TGFBR2: variants seen among roughly 807,000 people sequenced by gnomAD.
The protein encoded by TGFBR2 is TGF-beta receptor type-2.
A neutral mutation model predicts 49.0 loss-of-function variants in TGFBR2; 18 were observed. The ratio of observed to expected loss-of-function variants is 0.37; its 90% confidence interval spans 0.25 to 0.54. TGFBR2 has a LOEUF of 0.54. Among genes scored for constraint, TGFBR2 ranks in the 20% least tolerant of loss-of-function variants. The pLI, the probability that TGFBR2 is intolerant of heterozygous loss-of-function variation, is 0.85. For missense variants in TGFBR2, 525 were observed against 722.6 expected (o/e 0.73, Z 3.13); for synonymous variants, 282 against 275.9 (o/e 1.02, Z -0.22).
chr3:30,608,149 G>A (rs2125440674), intron 1 of TGFBR2, among the ~76,000 whole-genome samples: 1 of 151,940 alleles, frequency 6.6e-6, no homozygotes, highest in African/African-American at 2.4e-5. Context: ...ATATTGGCCA[G>A]GGTGGTCTCG....
Position 30,606,866 on chromosome 3 carries a change from C to A in TGFBR2, c.-18C>A, listed in dbSNP as rs753369354. ...GCTGCGCTGGGGGCTCGGTCTATGA[C>A]GAGCAGCGGGGTCTGCCATGGGTCG... On this transcript the variant is annotated 5_prime_UTR_variant, in exon 1 of 7. Transcript: ENST00000295754. 1.5e-5 allele frequency: 22 copies of A among 1,479,286 alleles called. No individual in the cohort carries two copies. Among genetic ancestry groups the A allele is most frequent in the South Asian group, 3.8e-5 (3 of 78,210 alleles). The allele number at this position is 1,479,286 out of a possible 1,614,324, so 91.6% of individuals were successfully genotyped here.
chr3:30,610,508 C>T (rs1025494504), intron 1 of TGFBR2, among the ~76,000 whole-genome samples: 5 of 152,080 alleles, frequency 3.3e-5, no homozygotes, highest in Non-Finnish European at 5.9e-5. Context: ...GGACCCAATG[C>T]GTTCATTTAG....
chr3:30,657,161 T>G (rs954435405), intron 3 of TGFBR2, among the ~76,000 whole-genome samples: 1 of 152,192 alleles, frequency 6.6e-6, no homozygotes, highest in African/African-American at 2.4e-5. Flanking sequence ...GATAATCTTG[T>G]CTCTTATAGA....
intron 1 of TGFBR2, among the ~76,000 whole-genome samples, chr3:30,636,324 A>G (rs1475984455): frequency 6.6e-6 from 1 of 152,064 alleles, no homozygotes; most frequent in Admixed American, 6.5e-5. Context: ...GGTTTTAAAA[A>G]CTATATTAGT....
Position 30,606,863 on chromosome 3 carries a change from T to C in TGFBR2, c.-21T>C. On this transcript the variant is annotated 5_prime_UTR_variant, in exon 1 of 7. It removes an upstream start codon present in the reference 5' UTR. Coordinates refer to ENST00000295754, the MANE Select transcript of TGFBR2 (RefSeq NM_003242.6). The stretch of plus-strand genomic sequence containing the variant: ...TCCGCTGCGCTGGGGGCTCGGTCTA[T>C]GACGAGCAGCGGGGTCTGCCATGGG... The C allele has an allele frequency of 6.1e-6, 9 of 1,476,832 alleles. No homozygotes were observed. The highest frequency in any genetic ancestry group is 7.3e-6 in the Non-Finnish European group (8 of 1,096,910). 91.5% of individuals were successfully genotyped at this position (1,476,832 alleles called of 1,614,324 possible). A position where few individuals can be genotyped will look rare whatever the true frequency, so the allele number is the denominator to read the frequency against.
intron 3 of TGFBR2, 137 bp from the exon 4 acceptor site, chr3:30,671,501 A>G (rs1321166975): frequency 3.4e-6 from 3 of 884,658 alleles, no homozygotes; most frequent in Non-Finnish European, 5.3e-6. Context: ...CATCCCTGAA[A>G]TAAAAATTAA....
intron 1 of TGFBR2, among the ~76,000 whole-genome samples, chr3:30,614,095 C>T (rs1387385006): frequency 1.4e-5 from 2 of 145,956 alleles, no homozygotes; most frequent in African/African-American, 5.0e-5. Flanking sequence ...TGAACTTTAG[C>T]TCTATACTTT....
At chr3:30,686,386 A>G (rs1247484755) in intron 5 of TGFBR2, among the ~76,000 whole-genome samples, 1 of 152,220 alleles carries the variant, frequency 6.6e-6, no homozygotes, top group Non-Finnish European at 1.5e-5. Context: ...TGAGGCAAAA[A>G]GCATGACACA....
rs1699736763 is a variant in TGFBR2 at position 30,692,645 on chromosome 3, T to C, written c.*1046T>C. ...TTCTAGTTTTCTATACAAACACCAA[T>C]GGGTTCCATCTTTCTGGGCTCCTGA... On this transcript the variant is annotated 3_prime_UTR_variant, in exon 7 of 7. Coordinates refer to ENST00000295754, the MANE Select transcript of TGFBR2 (RefSeq NM_003242.6). The C allele has an allele frequency of 8.6e-6, 2 of 233,098 alleles. No individual in the cohort carries two copies. Among genetic ancestry groups the C allele is most frequent in the Non-Finnish European group, 1.7e-5 (2 of 117,940 alleles). The allele number at this position is 233,098 out of a possible 1,614,324, so 14.4% of individuals were successfully genotyped here.
rs1047953795 is a variant in TGFBR2 at position 30,674,027 on chromosome 3, G to T, written c.1255-78G>T. 5 of 1,575,172 alleles carry T rather than the reference G, an allele frequency of 3.2e-6. No homozygotes were observed. In the Admixed American group the frequency reaches 6.7e-5, roughly 21 times the overall value. On this transcript the variant is annotated intron_variant, in intron 4 of 6. Transcript: ENST00000295754. ...AAAAAATCCTCTGCACGTGTCAGGG[G>T]CCACCATCAGCTATATTGTGAAAAT...
chr3:30,686,442 A>T (rs1229924635), intron 5 of TGFBR2, among the ~76,000 whole-genome samples: 1 of 152,252 alleles, frequency 6.6e-6, no homozygotes, highest in Non-Finnish European at 1.5e-5. Flanking sequence ...GGAGGCCTTC[A>T]TCCCAAATTC....
chr3:30,659,024 C>A (rs11466506), intron 3 of TGFBR2, among the ~76,000 whole-genome samples: 2 of 152,224 alleles, frequency 1.3e-5, no homozygotes, highest in African/African-American at 4.8e-5. Flanking sequence ...TCAGCTCCAA[C>A]ACCAGGGAGC....
intron 5 of TGFBR2, among the ~76,000 whole-genome samples, chr3:30,675,920 C>T (rs1209970910): frequency 1.3e-5 from 2 of 152,158 alleles, no homozygotes; most frequent in African/African-American, 4.8e-5. Flanking sequence ...AAACAGGATC[C>T]AGTCTAGGAT....
At chr3:30,609,277 C>A (rs1488543254) in intron 1 of TGFBR2, among the ~76,000 whole-genome samples, 1 of 152,174 alleles carries the variant, frequency 6.6e-6, no homozygotes, top group East Asian at 1.9e-4. Context: ...ATTCTACTTA[C>A]ATTTTAATTT....
At chr3:30,667,169 A>G (rs1699261260) in intron 3 of TGFBR2, among the ~76,000 whole-genome samples, 1 of 152,180 alleles carries the variant, frequency 6.6e-6, no homozygotes, top group African/African-American at 2.4e-5. Flanking sequence ...TTTTTCTATC[A>G]ATTAAATTTA....
intron 1 of TGFBR2, among the ~76,000 whole-genome samples, chr3:30,612,371 C>T (rs1272361539): frequency 2.0e-5 from 3 of 151,962 alleles, no homozygotes; most frequent in Non-Finnish European, 2.9e-5. Context: ...TAGGTTCTTT[C>T]GTGTGGTCTC....
Position 30,672,077 on chromosome 3 carries a change from T to G in TGFBR2, c.894T>G (p.Asn298Lys), listed in dbSNP as rs2125434931. Residue 298 changes from asparagine (N) to lysine (K), a missense_variant, in exon 4 of 7, where the codon AAT (asparagine) becomes AAG (lysine). Physicochemically the swap from Asn to Lys is moderately conservative, Grantham distance 94. Transcript: ENST00000295754. This position sits in a 1 kb window ranked among gnomAD's most constrained non-coding sequence, Gnocchi z 4.5. ...AGAAGGACATCTTCTCAGACATCAA[T>G]CTGAAGCATGAGAACATACTCCAGT... ...KTEKDIFSDI[N>K]LKHENILQFL... The G allele has an allele frequency of 6.2e-7, 1 of 1,614,178 alleles. No individual in the cohort carries two copies. The highest frequency in any genetic ancestry group is 1.1e-5 in the South Asian group (1 of 91,088).
intron 1 of TGFBR2, among the ~76,000 whole-genome samples, chr3:30,634,938 T>C (rs948294737): frequency 1.3e-5 from 2 of 152,222 alleles, no homozygotes; most frequent in African/African-American, 2.4e-5. Context: ...TTAACTGGCT[T>C]CCTGTTCTTC....
At chr3:30,645,861 A>G (rs1243407487) in intron 2 of TGFBR2, among the ~76,000 whole-genome samples, 2 of 151,762 alleles carry the variant, frequency 1.3e-5, no homozygotes, top group Non-Finnish European at 2.9e-5. Context: ...CAACTCATAC[A>G]TACATCTCAA....
Sources: gnomAD v4.1 joint callset for allele counts (sites outside exome capture counted in the v4.1 genomes callset) on GRCh38, gnomAD v4.1.1 for gene constraint, Gnocchi (gnomAD v3.1) non-coding constraint, MANE v1.5 for transcripts, NCBI Gene and HGNC (gene_info 2026-07-23, HGNC 2026-07-21) for gene names.